Variants in XPO5 observed in about 807,000 individuals in gnomAD.
The protein encoded by XPO5 is exportin 5, also known as exportin-5.
Under a neutral mutation model 160.6 loss-of-function variants are expected in XPO5, and 46 were observed. The observed-to-expected ratio is 0.29, with a 90% CI of 0.23 to 0.37. XPO5 has a LOEUF of 0.37. Ranked by LOEUF, XPO5 falls within the 10% of genes least tolerant of loss-of-function variation. The pLI is 1.00. For synonymous variants in XPO5, 537 were observed against 519.3 expected, an observed-to-expected ratio of 1.03 and a Z score of -0.46; for missense variants, 1,090 against 1,463.9, an observed-to-expected ratio of 0.74 and a Z score of 4.17.
At position 43,553,514 on chromosome 6, in the gene XPO5, CACACACACACAT is replaced by C. The variant is rs773697385; in HGVS notation, c.1442-23_1442-12del. On this transcript the variant is annotated splice_polypyrimidine_tract_variant and intron_variant, in intron 13 of 31. Coordinates refer to ENST00000265351, the MANE Select transcript of XPO5 (RefSeq NM_020750.3). ...CAACTGCAGAACAAGCTTTAAAACACACACACACACATACACACACACACACACACACACAAT... is the reference window on the plus strand; with the variant it reads ...CAACTGCAGAACAAGCTTTAAAACACACACACACACACACACACACACAAT... 3.2e-6 allele frequency: 5 copies of C among 1,544,918 alleles called. No homozygotes were observed. The highest frequency in any genetic ancestry group is 2.4e-5 in the East Asian group (1 of 40,832).
At chr6:43,538,988 G>C in intron 20 of XPO5, 3 of 1,470,302 alleles carry the variant, frequency 2.0e-6, no homozygotes, top group Non-Finnish European at 2.8e-6. Context: ...ATCAAAGGTG[G>C]CCTTGGCGAA....
At chr6:43,562,089 T>C in intron 9 of XPO5, 158 bp downstream of exon 9, 3 of 538,388 alleles carry the variant, frequency 5.6e-6, no homozygotes, top group Middle Eastern at 3.0e-4. Context: ...CACTATTCTA[T>C]TAAGATAATT....
chr6:43,544,046 T>C (rs1262370466), intron 20 of XPO5: 2 of 152,604 alleles, frequency 1.3e-5, no homozygotes, highest in Non-Finnish European at 2.9e-5. Context: ...ATCTACTCTA[T>C]CATTACATGC....
chr6:43,554,965 G>C lies in XPO5; in HGVS notation c.1441+871C>G, dbSNP rs1294121940. 33 of 144,266 alleles carry C rather than the reference G, an allele frequency of 2.3e-4. 1 individual carries two copies. Among genetic ancestry groups the C allele is most frequent in the Admixed American group, 2.3e-3 (33 of 14,462 alleles). The allele number at this position is 144,266 out of a possible 1,614,324, so 8.9% of individuals were successfully genotyped here. A position where few individuals can be genotyped will look rare whatever the true frequency, so the allele number is the denominator to read the frequency against. On this transcript the variant is annotated intron_variant, in intron 13 of 31. Coordinates refer to ENST00000265351, the MANE Select transcript of XPO5 (RefSeq NM_020750.3). ...TTTTTTTTTTTTTTTTTTTGAGATG[G>C]AGTTTTGCTCTCGTTGCCCAGGCTG...
rs772751325 is a variant in XPO5, at chr6:43,546,720, C to T, written c.2193G>A (p.Val731=). ...MSFCVYSILG[V]VKRTCWPTDL... ...CAGTGGGCCAGCAAGTTCGTTTCAC[C>T]ACACCCAGAATGCTGTATACACAAA... The change falls in exon 20 of 32, where the codon GTG becomes GTA. Residue 731 remains valine (V), a synonymous_variant. Transcript: ENST00000265351. 14 of 1,611,174 alleles carry T rather than the reference C, an allele frequency of 8.7e-6. No individual in the cohort carries two copies. Among genetic ancestry groups the T allele is most frequent in the East Asian group, 4.5e-5 (2 of 44,826 alleles).
At chr6:43,530,884 C>T (rs1297422107) in intron 22 of XPO5, 60 bp from the exon 23 acceptor site, 5 of 1,539,758 alleles carry the variant, frequency 3.2e-6, no homozygotes, top group Non-Finnish European at 4.4e-6. Flanking sequence ...TACTGCCAGC[C>T]CTGTCCCATG....
rs149693151 is a variant in XPO5, at chr6:43,569,149, C to T, written c.622-412G>A. Among the ~76,000 whole-genome samples, 1,291 of 151,830 alleles carry T rather than the reference C, an allele frequency of 8.5e-3. 21 individuals are homozygous for T. Among genetic ancestry groups the T allele is most frequent in the Admixed American group, 0.044 (668 of 15,236 alleles). On this transcript the variant is annotated intron_variant, in intron 5 of 31. Coordinates refer to ENST00000265351, the MANE Select transcript of XPO5 (RefSeq NM_020750.3). ...CTCTACTAAAATTACAAAAATTAGC[C>T]GGTGTGCTGGCGCATGCCTGTAATC...
At position 43,538,646 on chromosome 6, in the gene XPO5, G is replaced by A. The variant is rs559865243; in HGVS notation, c.2343-4639C>T. On this transcript the variant is annotated intron_variant, in intron 20 of 31. Coordinates refer to ENST00000265351, the MANE Select transcript of XPO5 (RefSeq NM_020750.3). Reference sequence around the variant, plus strand: ...TAGCTCCATATTGCTTTTGATTTGGGATTTTCGTCTCTATGTTTACAAGTG... The same window carrying A: ...TAGCTCCATATTGCTTTTGATTTGGAATTTTCGTCTCTATGTTTACAAGTG... 2.0e-5 allele frequency among the ~76,000 whole-genome samples: 3 copies of A among 152,230 alleles called. No homozygotes were observed. The South Asian group carries it at 6.2e-4, about 32-fold the overall frequency.
Position 43,525,909 on chromosome 6 carries a change from A to C in XPO5, c.2996T>G (p.Met999Arg), listed in dbSNP as rs771145459. 1 of 1,613,984 alleles carries C rather than the reference A, an allele frequency of 6.2e-7. No homozygotes were observed. Among genetic ancestry groups the C allele is most frequent in the Non-Finnish European group, 8.5e-7 (1 of 1,179,876 alleles). ...PPADGDDEEMMATEVTPSAMA... is the reference protein window; with the variant it reads ...PPADGDDEEMRATEVTPSAMA... ...AGCTGAGGGGGTGACCTCTGTGGCC[A>C]TCATTTCTTCATCTGTTATCAGAGA... Residue 999 changes from methionine to arginine, a missense_variant, in exon 28 of 32, where the codon ATG becomes AGG. Physicochemically the swap from Met to Arg is moderately conservative, Grantham distance 91. Around this residue, in one of 3 missense-constraint regions of XPO5, gnomAD observed 810 missense variants for 1,139.0 expected, o/e 0.71. Coordinates refer to ENST00000265351, the MANE Select transcript of XPO5 (RefSeq NM_020750.3).
rs754211966 is a variant in XPO5 at position 43,523,965 on chromosome 6, T to C, written c.3518A>G (p.Lys1173Arg). ...GEQFRKEVHIKNLPSLFKKTK... is the reference protein window; with the variant it reads ...GEQFRKEVHIRNLPSLFKKTK... Reference sequence around the variant, plus strand: ...TTTTTTGAAAAGTGAGGGAAGATTCTTAATGTGAACTTCTTTTCGGAACTG... The same window carrying C: ...TTTTTTGAAAAGTGAGGGAAGATTCCTAATGTGAACTTCTTTTCGGAACTG... The change falls in exon 32 of 32, where the codon AAG becomes AGG. Residue 1173 changes from lysine (K) to arginine (R), a missense_variant. Transcript: ENST00000265351. 23 of 1,613,922 alleles carry C rather than the reference T, an allele frequency of 1.4e-5. No individual in the cohort carries two copies. In the South Asian group the frequency reaches 2.5e-4, roughly 18 times the overall value.
At position 43,523,829 on chromosome 6, in the gene XPO5, T is replaced by C. The variant is rs755180111; in HGVS notation, c.*39A>G. 1.2e-4 allele frequency: 186 copies of C among 1,613,646 alleles called. 1 individual carries two copies. Among genetic ancestry groups the C allele is most frequent in the South Asian group, 7.0e-4 (64 of 91,072 alleles). The stretch of plus-strand genomic sequence containing the variant: ...ATCGGCTACAAAGGGAAAGAAGAGA[T>C]GACAAGAAAGGCCGAGGAAGGATGC... On this transcript the variant is annotated 3_prime_UTR_variant, in exon 32 of 32. Coordinates refer to ENST00000265351, the MANE Select transcript of XPO5 (RefSeq NM_020750.3).
chr6:43,570,856 C>T lies in XPO5; in HGVS notation c.438+1G>A. ...CAAACTGATATAGCTGTGTTTCATA[C>T]CCCTTGTTTGGAAAGAGTGTCCAAT... On this transcript the variant is annotated splice_donor_variant, in intron 4 of 31. Coordinates refer to ENST00000265351, the MANE Select transcript of XPO5 (RefSeq NM_020750.3). LOFTEE classifies it high-confidence loss of function. 1 of 1,608,928 alleles carries T rather than the reference C, an allele frequency of 6.2e-7. No homozygotes were observed. Among genetic ancestry groups the T allele is most frequent in the Non-Finnish European group, 8.5e-7 (1 of 1,178,246 alleles).
chr6:43,539,323 A>T, intron 20 of XPO5: 1 of 1,572,316 alleles, frequency 6.4e-7, no homozygotes, highest in Non-Finnish European at 8.6e-7. Context: ...CGATAGCAAC[A>T]AACGCCTTGA....
intron 1 of XPO5, among the ~76,000 whole-genome samples, chr6:43,574,528 C>T (rs1763192715): frequency 6.6e-6 from 1 of 151,066 alleles, no homozygotes; most frequent in Non-Finnish European, 1.5e-5. Flanking sequence ...ATAAACATTC[C>T]TTCCAGCGTG....
chr6:43,565,518 T>C (rs1762651358), intron 8 of XPO5, 142 bp downstream of exon 8: 1 of 631,698 alleles, frequency 1.6e-6, no homozygotes, highest in African/African-American at 1.9e-5. Flanking sequence ...TGAGCCAAGA[T>C]CGCGCCACTG....
At chr6:43,525,971 G>A (rs750016639) in intron 27 of XPO5, 50 bp from the exon 28 acceptor site, 3 of 1,595,620 alleles carry the variant, frequency 1.9e-6, no homozygotes. Flanking sequence ...GAACAGAGAA[G>A]AATATCTTGT....
intron 20 of XPO5, among the ~76,000 whole-genome samples, chr6:43,545,588 T>C (rs778364423): frequency 3.3e-5 from 5 of 152,034 alleles, no homozygotes; most frequent in Non-Finnish European, 5.9e-5. Flanking sequence ...ACACCTGTAG[T>C]CCCAGCTACT....
chr6:43,538,926 C>T, intron 20 of XPO5: 3 of 1,241,952 alleles, frequency 2.4e-6, no homozygotes, highest in Non-Finnish European at 3.5e-6. Context: ...TTGGTAAATA[C>T]AGTCTCCTTC....
chr6:43,527,004 C>T (rs1377571397), intron 26 of XPO5: 2 of 473,780 alleles, frequency 4.2e-6, no homozygotes, highest in Admixed American at 3.3e-5. Flanking sequence ...GGAAAGGATG[C>T]TTGATACATC....
Sources: allele counts gnomAD v4.1 joint callset (sites outside exome capture counted in the v4.1 genomes callset), GRCh38; gene constraint gnomAD v4.1.1; regional missense constraint gnomAD v4.1.1; transcripts MANE v1.5; gene names NCBI Gene and HGNC (gene_info 2026-07-23, HGNC 2026-07-21).